The following CDK6 variants were observed in gnomAD, a reference collection of about 807,000 sequenced individuals.
The protein encoded by CDK6 is cyclin-dependent kinase 6.
In CDK6, 6 loss-of-function variants were observed where a neutral mutation model predicts 37.1. That is an observed-to-expected ratio of 0.16 (90% CI 0.09 to 0.32). CDK6 has a LOEUF of 0.32. Ranked by LOEUF, CDK6 falls within the 10% of genes least tolerant of loss-of-function variation. The pLI is 1.00. For missense variants in CDK6, 224 were observed against 418.9 expected, an observed-to-expected ratio of 0.53 and a Z score of 4.06; for synonymous variants, 160 against 161.3, an observed-to-expected ratio of 0.99 and a Z score of 0.06.
At chr7:92,816,947 A>C (rs1398089353) in intron 2 of CDK6, among the ~76,000 whole-genome samples, 1 of 151,874 alleles carries the variant, frequency 6.6e-6, no homozygotes, top group African/African-American at 2.4e-5. Flanking sequence ...CCACCCCCCC[A>C]AAAAAACCCT....
Position 92,815,671 on chromosome 7 carries a change from C to G in CDK6, c.233+17420G>C, listed in dbSNP as rs114821920. ...CTGTAAATTCTGTAGTCTTGCCCAG[C>G]TGGGTAGGCAGAGATCAGAGTTGAG... On this transcript the variant is annotated intron_variant, in intron 2 of 7. Coordinates refer to ENST00000424848, the MANE Select transcript of CDK6 (RefSeq NM_001145306.2). Among the ~76,000 whole-genome samples, 202 of 152,210 alleles carry G rather than the reference C, an allele frequency of 1.3e-3. 1 individual carries two copies. The highest frequency in any genetic ancestry group is 4.7e-3 in the African/African-American group (196 of 41,534).
chr7:92,686,818 C>T (rs1280652886), intron 4 of CDK6, among the ~76,000 whole-genome samples: 1 of 151,946 alleles, frequency 6.6e-6, no homozygotes, highest in Non-Finnish European at 1.5e-5. Flanking sequence ...GCCATTCTTG[C>T]AGGAGTAAGG....
chr7:92,817,166 G>C (rs1801051334), intron 2 of CDK6, among the ~76,000 whole-genome samples: 1 of 151,754 alleles, frequency 6.6e-6, no homozygotes, highest in Non-Finnish European at 1.5e-5. Flanking sequence ...AATAGAAGAG[G>C]AAGAAACACT....
At chr7:92,695,787 G>C (rs980264262) in intron 4 of CDK6, among the ~76,000 whole-genome samples, 1 of 152,212 alleles carries the variant, frequency 6.6e-6, no homozygotes, top group Admixed American at 6.5e-5. Context: ...GGCTCAGGAC[G>C]GCAGGCTTTA....
chr7:92,694,341 T>C (rs981044339), intron 4 of CDK6, among the ~76,000 whole-genome samples: 7 of 152,168 alleles, frequency 4.6e-5, no homozygotes, highest in African/African-American at 1.2e-4. Flanking sequence ...CAGAATCCTA[T>C]AATTAGAATA....
At chr7:92,713,176 A>T (rs10488520) in intron 4 of CDK6, among the ~76,000 whole-genome samples, 14,893 of 152,184 alleles carry the variant, frequency 0.098, 823 homozygotes, top group South Asian at 0.22. Flanking sequence ...ACACTTTACA[A>T]TTCACAATGG....
rs1212073733 is a variant in CDK6, at chr7:92,607,381, G to A, written c.*7759C>T. The A allele has an allele frequency of 4.3e-6, 1 of 232,716 alleles. No individual in the cohort carries two copies. The highest frequency in any genetic ancestry group is 8.5e-6 in the Non-Finnish European group (1 of 117,876). The allele number at this position is 232,716 out of a possible 1,614,324, so 14.4% of individuals were successfully genotyped here. On this transcript the variant is annotated 3_prime_UTR_variant, in exon 8 of 8. Transcript: ENST00000424848. ...TTTTCTACCTTTAGTTTTTATTTTT[G>A]CTATATTTTTGCACTCTACTATATG...
At chr7:92,826,394 A>T (rs2116002689) in intron 2 of CDK6, among the ~76,000 whole-genome samples, 1 of 152,290 alleles carries the variant, frequency 6.6e-6, no homozygotes, top group African/African-American at 2.4e-5. Flanking sequence ...AAATCGAGGT[A>T]TTAAGGAATA....
In CDK6 at chr7:92,608,344, A is replaced by G. The variant is rs1178482919; in HGVS notation, c.*6796T>C. 4.3e-6 allele frequency: 1 copy of G among 231,922 alleles called. No homozygotes were observed. Among genetic ancestry groups the G allele is most frequent in the Non-Finnish European group, 8.5e-6 (1 of 117,366 alleles). The allele number at this position is 231,922 out of a possible 1,614,324, so 14.4% of individuals were successfully genotyped here. On this transcript the variant is annotated 3_prime_UTR_variant, in exon 8 of 8. Transcript: ENST00000424848. ...CTGCTACATGAGATAATTTGTTTAC[A>G]TACCTTTAATTACCTAACAAAGAAA...
At chr7:92,766,507 G>A (rs866211891) in intron 3 of CDK6, among the ~76,000 whole-genome samples, 8 of 152,288 alleles carry the variant, frequency 5.3e-5, no homozygotes, top group Middle Eastern at 3.4e-3. Flanking sequence ...TGTGGGAGAC[G>A]TCAGGCTGGA....
chr7:92,780,634 G>A (rs1315350465), intron 2 of CDK6, among the ~76,000 whole-genome samples: 1 of 151,252 alleles, frequency 6.6e-6, no homozygotes, highest in Non-Finnish European at 1.5e-5. Flanking sequence ...GGTGGCAGGC[G>A]CCTGTAGTCC....
In CDK6 at chr7:92,636,860, T is replaced by C. The variant is rs758092719; in HGVS notation, c.648-13774A>G. ...TTGTATTTTTAGTGGAGATGGGGTTTTGCCATGTTAGCCAGGCTGGTCTCG... is the reference window on the plus strand; with the variant it reads ...TTGTATTTTTAGTGGAGATGGGGTTCTGCCATGTTAGCCAGGCTGGTCTCG... On this transcript the variant is annotated intron_variant, in intron 5 of 7. Coordinates refer to ENST00000424848, the MANE Select transcript of CDK6 (RefSeq NM_001145306.2). Among the ~76,000 whole-genome samples, 102 of 152,274 alleles carry C rather than the reference T, an allele frequency of 6.7e-4. 1 individual carries two copies. The highest frequency in any genetic ancestry group is 1.5e-3 in the Non-Finnish European group (99 of 68,028).
At chr7:92,653,749 T>G (rs1454993873) in intron 5 of CDK6, among the ~76,000 whole-genome samples, 1 of 152,180 alleles carries the variant, frequency 6.6e-6, no homozygotes, top group Non-Finnish European at 1.5e-5. Context: ...CTTTTATTAC[T>G]GCATTTTAAG....
At chr7:92,672,190 TAC>T (rs71107866) in intron 4 of CDK6, among the ~76,000 whole-genome samples, 2,318 of 62,640 alleles carry the variant, frequency 0.037, 32 homozygotes, top group Middle Eastern at 0.047. Context: ...CACAGACACA[TAC>T]ACACACACAC....
At chr7:92,666,000 G>A (rs1796947799) in intron 5 of CDK6, among the ~76,000 whole-genome samples, 1 of 152,190 alleles carries the variant, frequency 6.6e-6, no homozygotes, top group African/African-American at 2.4e-5. Context: ...GCACATGAAG[G>A]TGCCCCCAAC....
rs1239414733 is a variant in CDK6, at chr7:92,605,601, G to T, written c.*9539C>A. ...TATTTTCATCTGCCTCTTGGGAAAG[G>T]AGCAAGAGCATTCAGCTCAGAGCAT... On this transcript the variant is annotated 3_prime_UTR_variant, in exon 8 of 8. Transcript: ENST00000424848. 4.3e-6 allele frequency: 1 copy of T among 233,076 alleles called. No individual in the cohort carries two copies. Among genetic ancestry groups the T allele is most frequent in the African/African-American group, 2.2e-5 (1 of 45,344 alleles). The allele number at this position is 233,076 out of a possible 1,614,324, so 14.4% of individuals were successfully genotyped here. A position where few individuals can be genotyped will look rare whatever the true frequency, so the allele number is the denominator to read the frequency against.
At chr7:92,715,125 G>A (rs551931365) in intron 4 of CDK6, among the ~76,000 whole-genome samples, 25 of 152,066 alleles carry the variant, frequency 1.6e-4, no homozygotes, top group African/African-American at 4.3e-4. Flanking sequence ...AAACACTTCC[G>A]TACATTTCAA....
chr7:92,804,038 T>C (rs17164787), intron 2 of CDK6, among the ~76,000 whole-genome samples: 3,229 of 152,270 alleles, frequency 0.021, 126 homozygotes, highest in South Asian at 0.17. Flanking sequence ...CTCATATAGA[T>C]TAGTGACATT....
intron 4 of CDK6, among the ~76,000 whole-genome samples, chr7:92,716,477 G>C (rs373910483): frequency 6.6e-6 from 1 of 152,136 alleles, no homozygotes; most frequent in Non-Finnish European, 1.5e-5. Flanking sequence ...TGCAAGGAAG[G>C]CACTGTAGGA....
Sources: allele counts gnomAD v4.1 joint callset (sites outside exome capture counted in the v4.1 genomes callset), GRCh38; gene constraint gnomAD v4.1.1; transcripts MANE v1.5; gene names NCBI Gene and HGNC (gene_info 2026-07-23, HGNC 2026-07-21).